Variants in PRKD1 observed in about 807,000 individuals in gnomAD.
The protein encoded by PRKD1 is serine/threonine-protein kinase D1.
PRKD1 carries 63 observed loss-of-function variants against 95.9 expected under a neutral mutation model. The ratio of observed to expected loss-of-function variants is 0.66; its 90% CI spans 0.54 to 0.81. The LOEUF (loss-of-function observed/expected upper bound fraction) is 0.81, where lower values mean the gene tolerates loss of function less well. PRKD1 is among the 30% of genes least tolerant of loss of function. The pLI is 0.00. For missense variants in PRKD1, 1,048 were observed against 1,165.3 expected, an observed-to-expected ratio of 0.90 and a Z score of 1.47; for synonymous variants, 425 against 423.1, an observed-to-expected ratio of 1.00 and a Z score of -0.05.
chr14:29,671,185 A>C (rs1368349050), intron 2 of PRKD1, among the ~76,000 whole-genome samples: 5 of 152,172 alleles, frequency 3.3e-5, no homozygotes, highest in African/African-American at 1.2e-4. Flanking sequence ...CAAGAGAAAA[A>C]GGTCTCACAA....
intron 2 of PRKD1, among the ~76,000 whole-genome samples, chr14:29,673,138 A>T (rs1181197326): frequency 6.6e-6 from 1 of 152,258 alleles, no homozygotes; most frequent in Non-Finnish European, 1.5e-5. Flanking sequence ...TGCTTGAACA[A>T]AATAGATACA....
chr14:29,835,192 T>A (rs900956601), intron 1 of PRKD1, among the ~76,000 whole-genome samples: 3 of 152,152 alleles, frequency 2.0e-5, no homozygotes, highest in African/African-American at 7.2e-5. Flanking sequence ...ATGGAAATAG[T>A]GGGGCATTTA....
At chr14:29,895,665 C>T (rs1176183819) in intron 1 of PRKD1, among the ~76,000 whole-genome samples, 1 of 152,196 alleles carries the variant, frequency 6.6e-6, no homozygotes, top group Admixed American at 6.5e-5. Context: ...TCACTCCATA[C>T]CAGCCTGGCA....
At chr14:29,674,014 G>A (rs1883014357) in intron 2 of PRKD1, among the ~76,000 whole-genome samples, 2 of 152,096 alleles carry the variant, frequency 1.3e-5, no homozygotes, top group African/African-American at 4.8e-5. Context: ...ACTGGATTAT[G>A]AGGAAGACAC....
intron 13 of PRKD1, among the ~76,000 whole-genome samples, chr14:29,603,879 G>T (rs1893609138): frequency 5.3e-5 from 8 of 152,068 alleles, no homozygotes; most frequent in Admixed American, 5.2e-4. Context: ...TAATTTTCAG[G>T]AAATGAAACA....
intron 2 of PRKD1, among the ~76,000 whole-genome samples, chr14:29,683,735 C>T (rs1173150797): frequency 1.3e-5 from 2 of 152,136 alleles, no homozygotes; most frequent in African/African-American, 4.8e-5. Context: ...TTATGCATAT[C>T]GCATGGCATG....
intron 15 of PRKD1, among the ~76,000 whole-genome samples, chr14:29,598,057 CT>C (rs1397738847): frequency 6.6e-6 from 1 of 151,754 alleles, no homozygotes; most frequent in Non-Finnish European, 1.5e-5. Flanking sequence ...AGGAGGATTG[CT>C]TGAGGACAGG....
intron 13 of PRKD1, among the ~76,000 whole-genome samples, chr14:29,600,876 T>C (rs1893491032): frequency 6.6e-6 from 1 of 152,064 alleles, no homozygotes; most frequent in Non-Finnish European, 1.5e-5. Flanking sequence ...CTTTGATCAT[T>C]TGACCTTTAC....
At chr14:29,836,943 C>A (rs988683343) in intron 1 of PRKD1, among the ~76,000 whole-genome samples, 1 of 152,104 alleles carries the variant, frequency 6.6e-6, no homozygotes, top group Non-Finnish European at 1.5e-5. Context: ...ATGAAGTACT[C>A]ATAAAATTCA....
intron 1 of PRKD1, among the ~76,000 whole-genome samples, chr14:29,876,538 A>G (rs1893296108): frequency 1.3e-5 from 2 of 152,168 alleles, no homozygotes; most frequent in Non-Finnish European, 2.9e-5. Flanking sequence ...GTGCAACCAA[A>G]GGAAAAAATA....
At chr14:29,641,694 G>A (rs989935288) in intron 4 of PRKD1, among the ~76,000 whole-genome samples, 5 of 152,020 alleles carry the variant, frequency 3.3e-5, no homozygotes, top group African/African-American at 9.7e-5. Context: ...GTCCCTAAGC[G>A]CTTATAGGGT....
intron 2 of PRKD1, among the ~76,000 whole-genome samples, chr14:29,700,984 GCGCGC>G (rs1566547941): frequency 1.9e-5 from 1 of 52,930 alleles, no homozygotes; most frequent in African/African-American, 2.3e-4. Flanking sequence ...ATGCGCGCGC[GCGCGC>G]ACACACACAC....
chr14:29,727,395 T>C lies in PRKD1; in HGVS notation c.265-1721A>G, dbSNP rs1215754743. 2.9e-5 allele frequency among the ~76,000 whole-genome samples: 3 copies of C among 103,832 alleles called. No homozygotes were observed. The Admixed American group carries it at 2.9e-4, about 10-fold the overall frequency. The allele number at this position is 103,832 out of a possible 152,430, so 68.1% of individuals were successfully genotyped here. A position where few individuals can be genotyped will look rare whatever the true frequency, so the allele number is the denominator to read the frequency against. ...CTTTTGCTGTGCAGAAGCTCTTTAGTTAATTAGATCCCATTTGTCAATTTT... is the reference window on the plus strand; with the variant it reads ...CTTTTGCTGTGCAGAAGCTCTTTAGCTAATTAGATCCCATTTGTCAATTTT... On this transcript the variant is annotated intron_variant, in intron 1 of 17. Transcript: ENST00000331968.
chr14:29,664,496 A>C (rs1882370701), intron 3 of PRKD1, among the ~76,000 whole-genome samples: 1 of 152,136 alleles, frequency 6.6e-6, no homozygotes, highest in Non-Finnish European at 1.5e-5. Context: ...GCTGGAGGCC[A>C]TTACTTAGAA....
At chr14:29,725,468 T>C (rs970914208) in intron 2 of PRKD1, 68 bp downstream of exon 2, 4 of 1,549,298 alleles carry the variant, frequency 2.6e-6, no homozygotes, top group African/African-American at 2.8e-5. Flanking sequence ...CTTAAAAACA[T>C]ATGCCCAAGA....
chr14:29,770,082 C>T (rs765105256), intron 1 of PRKD1, among the ~76,000 whole-genome samples: 11 of 152,160 alleles, frequency 7.2e-5, no homozygotes, highest in South Asian at 2.1e-4. Context: ...GGCCAGAAGG[C>T]GCCACCTATG....
chr14:29,922,848 T>C (rs1895169852), intron 1 of PRKD1, among the ~76,000 whole-genome samples: 1 of 152,206 alleles, frequency 6.6e-6, no homozygotes, highest in Non-Finnish European at 1.5e-5. Context: ...TTATGTACTG[T>C]ACTTGTAGTC....
chr14:29,865,226 G>C (rs1892850279), intron 1 of PRKD1, among the ~76,000 whole-genome samples: 1 of 152,160 alleles, frequency 6.6e-6, no homozygotes, highest in Non-Finnish European at 1.5e-5. Flanking sequence ...GTGACTGTTT[G>C]TCTTATTCCC....
intron 1 of PRKD1, among the ~76,000 whole-genome samples, chr14:29,826,836 TATACAC>T (rs1566623155): frequency 8.8e-5 from 2 of 22,610 alleles, no homozygotes; most frequent in African/African-American, 3.2e-4. Context: ...TATATATATA[TATACAC>T]ACATATATAT....
Sources: allele counts gnomAD v4.1 joint callset (sites outside exome capture counted in the v4.1 genomes callset), GRCh38; gene constraint gnomAD v4.1.1; transcripts MANE v1.5; gene names NCBI Gene and HGNC (gene_info 2026-07-23, HGNC 2026-07-21).